The following NAALADL2 variants were observed in gnomAD, a reference collection of about 807,000 sequenced individuals.
NAALADL2 encodes inactive N-acetylated-alpha-linked acidic dipeptidase-like protein 2.
A neutral mutation model predicts 87.2 loss-of-function variants in NAALADL2; 76 were observed. The observed-to-expected ratio is 0.87, with a 90% CI of 0.72 to 1.05. The LOEUF (loss-of-function observed/expected upper bound fraction) is 1.05, where lower values mean the gene tolerates loss of function less well. NAALADL2 is among the 50% of genes least tolerant of loss of function. NAALADL2 has a pLI of 0.00. For missense variants in NAALADL2, 1,089 were observed against 945.8 expected (o/e 1.15, Z -1.99); for synonymous variants, 354 against 331.0 (o/e 1.07, Z -0.75).
chr3:174,925,927 C>T (rs565650439), intron 1 of NAALADL2, among the ~76,000 whole-genome samples: 28 of 152,068 alleles, frequency 1.8e-4, no homozygotes, highest in Admixed American at 9.8e-4. Context: ...GAAGAAAGTT[C>T]GAACCAATCA....
At chr3:175,173,103 C>G (rs899413889) in intron 2 of NAALADL2, among the ~76,000 whole-genome samples, 1 of 151,638 alleles carries the variant, frequency 6.6e-6, no homozygotes, top group East Asian at 1.9e-4. Flanking sequence ...TAAGCCTGGG[C>G]GACATGGCTA....
At chr3:174,659,019 A>G (rs1027386784) in intron 2 of NAALADL2, among the ~76,000 whole-genome samples, 17 of 152,094 alleles carry the variant, frequency 1.1e-4, no homozygotes, top group African/African-American at 4.1e-4. Context: ...TTCTAACTTT[A>G]GTGTATACAG....
chr3:175,235,186 G>A (rs1208160727), intron 3 of NAALADL2: 1 of 151,556 alleles, frequency 6.6e-6, no homozygotes, highest in Non-Finnish European at 1.5e-5. Context: ...AACTTTGATT[G>A]ATATATGGAA....
intron 2 of NAALADL2, among the ~76,000 whole-genome samples, chr3:174,559,539 C>T (rs2108508878): frequency 6.6e-6 from 1 of 152,266 alleles, no homozygotes; most frequent in East Asian, 1.9e-4. Flanking sequence ...GTGCCTTAGT[C>T]AGCTTGGGCT....
chr3:175,449,554 C>T (rs768290243), intron 6 of NAALADL2, among the ~76,000 whole-genome samples: 22 of 151,868 alleles, frequency 1.4e-4, no homozygotes, highest in Non-Finnish European at 2.5e-4. Context: ...CCACCAAGCC[C>T]GGCTAATTTT....
At position 175,169,080 on chromosome 3, in the gene NAALADL2, ACATTTTAGCTGAT is replaced by A. The variant is rs546221483; in HGVS notation, c.546-64849_546-64837del. The stretch of plus-strand genomic sequence containing the variant: ...AATTGAATGTGTAGGAGTCAAGCTG[ACATTTTAGCTGAT>A]CTTCATGATTGAAGTGGATCAGCTA... On this transcript the variant is annotated intron_variant, in intron 2 of 13. Transcript: ENST00000454872. Among the ~76,000 whole-genome samples the A allele has an allele frequency of 2.7e-3, 405 of 151,902 alleles. 3 individuals carry two copies. Among genetic ancestry groups the A allele is most frequent in the African/African-American group, 9.3e-3 (385 of 41,538 alleles).
intron 9 of NAALADL2, among the ~76,000 whole-genome samples, chr3:175,507,285 C>T (rs1282102678): frequency 3.3e-5 from 5 of 152,096 alleles, no homozygotes; most frequent in Non-Finnish European, 5.9e-5. Flanking sequence ...CCAATTTGCA[C>T]TTTTGTGCAA....
intron 2 of NAALADL2, among the ~76,000 whole-genome samples, chr3:175,159,598 A>G (rs975142553): frequency 2.0e-5 from 3 of 152,176 alleles, no homozygotes; most frequent in South Asian, 4.1e-4. Context: ...GATAACACCA[A>G]TGATTTTTCA....
intron 1 of NAALADL2, among the ~76,000 whole-genome samples, chr3:174,497,816 G>A (rs1363125970): frequency 3.3e-5 from 5 of 152,056 alleles, no homozygotes. Flanking sequence ...TAAAATATGT[G>A]ACAATATATT....
At chr3:174,768,263 C>A (rs1021558166) in intron 3 of NAALADL2, among the ~76,000 whole-genome samples, 1 of 152,204 alleles carries the variant, frequency 6.6e-6, no homozygotes, top group South Asian at 2.1e-4. Flanking sequence ...ATCATGAATT[C>A]TTTTATACTT....
chr3:174,910,621 C>T (rs776885457), intron 1 of NAALADL2, among the ~76,000 whole-genome samples: 6 of 151,890 alleles, frequency 4.0e-5, no homozygotes, highest in Non-Finnish European at 8.8e-5. Flanking sequence ...TCCTGCAGTC[C>T]AGGCAGGATG....
At chr3:175,629,170 TA>T (rs1317221699) in intron 11 of NAALADL2, among the ~76,000 whole-genome samples, 1 of 148,278 alleles carries the variant, frequency 6.7e-6, no homozygotes, top group Non-Finnish European at 1.5e-5. Flanking sequence ...TATACATATA[TA>T]CACACATACA....
chr3:175,350,495 A>T (rs1480732453), intron 5 of NAALADL2, among the ~76,000 whole-genome samples: 1 of 152,188 alleles, frequency 6.6e-6, no homozygotes, highest in Non-Finnish European at 1.5e-5. Flanking sequence ...AAAGGACTCA[A>T]CAGCAGTCAG....
chr3:174,858,221 T>C (rs1726078347), upstream of NAALADL2, among the ~76,000 whole-genome samples: 1 of 148,924 alleles, frequency 6.7e-6, no homozygotes, highest in Non-Finnish European at 1.5e-5. Flanking sequence ...TATGAATATA[T>C]ATTTATATTC....
At chr3:175,633,540 G>A (rs1728097270) in intron 11 of NAALADL2, among the ~76,000 whole-genome samples, 1 of 151,780 alleles carries the variant, frequency 6.6e-6, no homozygotes, top group Non-Finnish European at 1.5e-5. Context: ...TTATGGGATA[G>A]GTAGTACCTT....
chr3:174,589,755 CT>C (rs1281734151), intron 2 of NAALADL2, among the ~76,000 whole-genome samples: 1 of 151,848 alleles, frequency 6.6e-6, no homozygotes, highest in Admixed American at 6.6e-5. Flanking sequence ...GTTATATTAA[CT>C]TTTGGTAAAC....
Position 175,730,427 on chromosome 3 carries a change from TATATATATATATATATAC to T in NAALADL2, c.1897-6877_1897-6860del, listed in dbSNP as rs1241696771. On this transcript the variant is annotated intron_variant, in intron 11 of 13. Coordinates refer to ENST00000454872, the MANE Select transcript of NAALADL2 (RefSeq NM_207015.3). Reference sequence around the variant, plus strand: ...ATATATATATATATATATATATATATATATATATATATATATACACACATACACACGCACACACACACG... The same window carrying T: ...ATATATATATATATATATATATATATACACATACACACGCACACACACACG... Among the ~76,000 whole-genome samples, 723 of 91,122 alleles carry T rather than the reference TATATATATATATATATAC, an allele frequency of 7.9e-3. 3 individuals are homozygous for T. The highest frequency in any genetic ancestry group is 0.024 in the Middle Eastern group (4 of 164). The allele number at this position is 91,122 out of a possible 152,430, so 59.8% of individuals were successfully genotyped here. A position where few individuals can be genotyped will look rare whatever the true frequency, so the allele number is the denominator to read the frequency against.
rs184303090 is a variant in NAALADL2 at position 175,037,376 on chromosome 3, C to A, written c.44-59414C>A. Reference sequence around the variant, plus strand: ...AGAGGGCTTCATACCTCAGGAGAACCAAAGAGATGAGAAATTGCCTCATGA... The same window carrying A: ...AGAGGGCTTCATACCTCAGGAGAACAAAAGAGATGAGAAATTGCCTCATGA... On this transcript the variant is annotated intron_variant, in intron 1 of 13. Coordinates refer to ENST00000454872, the MANE Select transcript of NAALADL2 (RefSeq NM_207015.3). 5.9e-5 allele frequency among the ~76,000 whole-genome samples: 9 copies of A among 152,162 alleles called. No individual in the cohort carries two copies. In the East Asian group the frequency reaches 1.7e-3, roughly 29 times the overall value.
chr3:175,007,827 G>T (rs180785933), intron 1 of NAALADL2, among the ~76,000 whole-genome samples: 7 of 152,140 alleles, frequency 4.6e-5, no homozygotes, highest in Admixed American at 3.9e-4. Context: ...TAATAAAATA[G>T]AATAATTATG....
Sources: gnomAD v4.1 joint callset for allele counts (sites outside exome capture counted in the v4.1 genomes callset) on GRCh38, gnomAD v4.1.1 for gene constraint, MANE v1.5 for transcripts, NCBI Gene and HGNC (gene_info 2026-07-23, HGNC 2026-07-21) for gene names.